The following TNFRSF9 variants were observed in gnomAD, a reference collection of about 807,000 sequenced individuals.
TNFRSF9 encodes TNF receptor superfamily member 9.
Under a neutral mutation model 28.8 loss-of-function variants are expected in TNFRSF9, and 16 were observed. That is an observed-to-expected ratio of 0.55 (90% CI 0.38 to 0.84). The LOEUF is 0.84. Among genes scored for constraint, TNFRSF9 ranks in the 40% least tolerant of loss-of-function variants. TNFRSF9 has a pLI of 0.00. For synonymous variants in TNFRSF9, 131 were observed against 117.0 expected (o/e 1.12, Z -0.77); for missense variants, 303 against 315.0 (o/e 0.96, Z 0.29).
At chr1:7,924,294 C>CATATGTGTATATATATATATAT (rs1238435280) in intron 7 of TNFRSF9, among the ~76,000 whole-genome samples, 1 of 129,996 alleles carries the variant, frequency 7.7e-6, no homozygotes, top group African/African-American at 2.9e-5. Flanking sequence ...TAGTATATTC[C>CATATGTGTATATATATATATAT]ATATATATAT....
Position 7,938,228 on chromosome 1 carries a change from T to C in TNFRSF9, c.311A>G (p.Gln104Arg). The change falls in exon 4 of 8, where the codon CAG becomes CGG. Residue 104 changes from glutamine to arginine, a missense_variant. Coordinates refer to ENST00000377507, the MANE Select transcript of TNFRSF9 (RefSeq NM_001561.6). ...CAGTTCTTGACCTTGTTTACAATCC[T>C]GTTCACACATGCTGCATCCTGCCCC... The part of the protein sequence containing the change: ...CLGAGCSMCE[Q>R]DCKQGQELTK... The C allele has an allele frequency of 6.2e-7, 1 of 1,605,540 alleles. No homozygotes were observed. Among genetic ancestry groups the C allele is most frequent in the Non-Finnish European group, 8.5e-7 (1 of 1,176,370 alleles).
At chr1:7,936,774 A>G (rs1639822053) in intron 5 of TNFRSF9, among the ~76,000 whole-genome samples, 1 of 152,216 alleles carries the variant, frequency 6.6e-6, no homozygotes. Context: ...ACAACGCCCA[A>G]ATTTTTATTC....
rs1383551650 is a variant in TNFRSF9, at chr1:7,916,558, C to T, written c.*4277G>A. ...GATACCCCAACCCTGTGGGGCATGA[C>T]CAGTCTCTTTCTGTTTGTGGATAGT... On this transcript the variant is annotated 3_prime_UTR_variant, in exon 8 of 8. Transcript: ENST00000377507. 6.6e-6 allele frequency: 1 copy of T among 152,154 alleles called. No homozygotes were observed. The highest frequency in any genetic ancestry group is 1.5e-5 in the Non-Finnish European group (1 of 68,044). The allele number at this position is 152,154 out of a possible 1,614,324, so 9.4% of individuals were successfully genotyped here.
In TNFRSF9 at chr1:7,918,962, ATTG is replaced by A. The variant is rs1639519697; in HGVS notation, c.*1870_*1872del. ...AAGCAATTTGGTACTGCAGTAGACT[ATTG>A]TTCAGAAATATCTTCTCCTCACCCC... On this transcript the variant is annotated 3_prime_UTR_variant, in exon 8 of 8. Coordinates refer to ENST00000377507, the MANE Select transcript of TNFRSF9 (RefSeq NM_001561.6). 6.6e-6 allele frequency: 1 copy of A among 152,192 alleles called. No homozygotes were observed. The allele number at this position is 152,192 out of a possible 1,614,324, so 9.4% of individuals were successfully genotyped here. A position where few individuals can be genotyped will look rare whatever the true frequency, so the allele number is the denominator to read the frequency against.
rs1444150536 is a variant in TNFRSF9, at chr1:7,918,987, C to A, written c.*1848G>T. 1 of 152,200 alleles carries A rather than the reference C, an allele frequency of 6.6e-6. No homozygotes were observed. The highest frequency in any genetic ancestry group is 1.9e-4 in the East Asian group (1 of 5,194). 9.4% of individuals were successfully genotyped at this position (152,200 alleles called of 1,614,324 possible). A position where few individuals can be genotyped will look rare whatever the true frequency, so the allele number is the denominator to read the frequency against. On this transcript the variant is annotated 3_prime_UTR_variant, in exon 8 of 8. Coordinates refer to ENST00000377507, the MANE Select transcript of TNFRSF9 (RefSeq NM_001561.6). The stretch of plus-strand genomic sequence containing the variant: ...ATTGTTCAGAAATATCTTCTCCTCA[C>A]CCCTATTTACAGAATATACTTTTCT...
At chr1:7,924,776 G>A (rs1026563073) in intron 7 of TNFRSF9, among the ~76,000 whole-genome samples, 2 of 152,182 alleles carry the variant, frequency 1.3e-5, no homozygotes, top group Non-Finnish European at 2.9e-5. Flanking sequence ...AGATCTTCCA[G>A]TGGGACAAGA....
In TNFRSF9 at chr1:7,919,171, T is replaced by A. The variant is rs1191911665; in HGVS notation, c.*1664A>T. On this transcript the variant is annotated 3_prime_UTR_variant, in exon 8 of 8. Coordinates refer to ENST00000377507, the MANE Select transcript of TNFRSF9 (RefSeq NM_001561.6). ...ACCTAAATCCCAGAGTAAAATAACA[T>A]GGGACAGAGGCACGCAAGCTTGCAA... 4 of 151,958 alleles carry A rather than the reference T, an allele frequency of 2.6e-5. No individual in the cohort carries two copies. The highest frequency in any genetic ancestry group is 5.9e-5 in the Non-Finnish European group (4 of 68,016). 9.4% of individuals were successfully genotyped at this position (151,958 alleles called of 1,614,324 possible).
At chr1:7,923,198 G>C (rs748779983) in intron 7 of TNFRSF9, among the ~76,000 whole-genome samples, 1 of 152,234 alleles carries the variant, frequency 6.6e-6, no homozygotes, top group Non-Finnish European at 1.5e-5. Flanking sequence ...ACCACACCTG[G>C]TCCAAAAACT....
chr1:7,938,345 C>A lies in TNFRSF9; in HGVS notation c.209-15G>T. The A allele has an allele frequency of 6.3e-7, 1 of 1,580,014 alleles. No homozygotes were observed. Among genetic ancestry groups the A allele is most frequent in the Non-Finnish European group, 8.6e-7 (1 of 1,164,074 alleles). On this transcript the variant is annotated splice_polypyrimidine_tract_variant and intron_variant, in intron 3 of 7. Transcript: ENST00000377507. Reference sequence around the variant, plus strand: ...CCTGAAAACACCTACAAAGTCCCCCCAGCCCCCAACATTTTATTACACTTG... The same window carrying A: ...CCTGAAAACACCTACAAAGTCCCCCAAGCCCCCAACATTTTATTACACTTG...
chr1:7,930,017 T>C (rs1395953129), intron 7 of TNFRSF9, among the ~76,000 whole-genome samples: 4 of 139,924 alleles, frequency 2.9e-5, no homozygotes, highest in Non-Finnish European at 6.0e-5. Flanking sequence ...TTGCCCAGGC[T>C]GGAGTGCAAT....
chr1:7,927,178 T>A (rs545715795), intron 7 of TNFRSF9, among the ~76,000 whole-genome samples: 1 of 152,322 alleles, frequency 6.6e-6, no homozygotes, highest in African/African-American at 2.4e-5. Flanking sequence ...GAATGCAAGA[T>A]GTGAGCAAAC....
intron 7 of TNFRSF9, among the ~76,000 whole-genome samples, chr1:7,932,659 GCACA>G (rs898175895): frequency 1.3e-5 from 2 of 150,458 alleles, no homozygotes; most frequent in Non-Finnish European, 3.0e-5. Flanking sequence ...TCCTCCACAC[GCACA>G]CACACACATA....
intron 5 of TNFRSF9, 42 bp from the exon 6 acceptor site, chr1:7,935,185 G>A: frequency 1.3e-6 from 2 of 1,595,896 alleles, no homozygotes; most frequent in Admixed American, 1.7e-5. Flanking sequence ...ATTAACTTAG[G>A]TCCAGAAGAT....
At chr1:7,927,770 T>G (rs890182640) in intron 7 of TNFRSF9, among the ~76,000 whole-genome samples, 1 of 149,780 alleles carries the variant, frequency 6.7e-6, no homozygotes, top group African/African-American at 2.4e-5. Context: ...CAGGACTCAG[T>G]GAAGAATTCT....
chr1:7,932,034 G>A (rs950414658), intron 7 of TNFRSF9, among the ~76,000 whole-genome samples: 4 of 152,148 alleles, frequency 2.6e-5, no homozygotes, highest in Non-Finnish European at 5.9e-5. Flanking sequence ...TGCCTCGGGA[G>A]CCTGAGGCAG....
rs1186276715 is a variant in TNFRSF9 at position 7,940,077 on chromosome 1, C to G, written c.-83G>C. The G allele has an allele frequency of 1.0e-6, 1 of 963,908 alleles. No individual in the cohort carries two copies. The highest frequency in any genetic ancestry group is 1.6e-6 in the Non-Finnish European group (1 of 623,154). 59.7% of individuals were successfully genotyped at this position (963,908 alleles called of 1,614,324 possible). A position where few individuals can be genotyped will look rare whatever the true frequency, so the allele number is the denominator to read the frequency against. On this transcript the variant is annotated splice_region_variant and 5_prime_UTR_variant, in exon 2 of 8. Coordinates refer to ENST00000377507, the MANE Select transcript of TNFRSF9 (RefSeq NM_001561.6). ...AAATTAGCTGGTCTCACAAATGTCA[C>G]TCTGCAAAAGATAAACATTTCCAAG... is the stretch of plus-strand genomic sequence containing the variant.
At chr1:7,933,423 C>T in intron 6 of TNFRSF9, 127 bp from the exon 7 acceptor site, 1 of 1,149,576 alleles carries the variant, frequency 8.7e-7, no homozygotes, top group East Asian at 2.7e-5. Flanking sequence ...CTCCAACCTG[C>T]TAATGGAGTA....
In TNFRSF9 at chr1:7,919,700, A is replaced by T. The variant is rs1438131138; in HGVS notation, c.*1135T>A. The T allele has an allele frequency of 1.3e-5, 2 of 152,268 alleles. No homozygotes were observed. The highest frequency in any genetic ancestry group is 2.9e-5 in the Non-Finnish European group (2 of 68,158). 9.4% of individuals were successfully genotyped at this position (152,268 alleles called of 1,614,324 possible). On this transcript the variant is annotated 3_prime_UTR_variant, in exon 8 of 8. Transcript: ENST00000377507. ...CACTCCATTCCAGCCTGGGCAACAGAGCAAGACTGTCTCAAGCAAACCAAC... is the reference window on the plus strand; with the variant it reads ...CACTCCATTCCAGCCTGGGCAACAGTGCAAGACTGTCTCAAGCAAACCAAC...
At chr1:7,932,734 T>C (rs111982418) in intron 7 of TNFRSF9, among the ~76,000 whole-genome samples, 18 of 148,226 alleles carry the variant, frequency 1.2e-4, no homozygotes, top group East Asian at 2.0e-4. Flanking sequence ...CACACACACA[T>C]ACACACACAC....
Sources: gnomAD v4.1 joint callset for allele counts (sites outside exome capture counted in the v4.1 genomes callset) on GRCh38, gnomAD v4.1.1 for gene constraint, MANE v1.5 for transcripts, NCBI Gene and HGNC (gene_info 2026-07-23, HGNC 2026-07-21) for gene names.